The following ATP10A variants were observed in gnomAD, a reference collection of about 807,000 sequenced individuals.
ATP10A encodes the protein ATPase phospholipid transporting 10A (putative).
A neutral mutation model predicts 147.8 loss-of-function variants in ATP10A; 111 were observed. The observed-to-expected ratio is 0.75, with a 90% CI of 0.64 to 0.88. The LOEUF (loss-of-function observed/expected upper bound fraction) is 0.88. ATP10A is among the 40% of genes least tolerant of loss of function. ATP10A has a pLI of 0.00. For missense variants in ATP10A, 1,927 were observed against 1,959.0 expected, an observed-to-expected ratio of 0.98 and a Z score of 0.31; for synonymous variants, 875 against 841.6, an observed-to-expected ratio of 1.04 and a Z score of -0.69.
intron 2 of ATP10A, among the ~76,000 whole-genome samples, chr15:25,762,155 C>A (rs1202242590): frequency 2.6e-5 from 4 of 152,162 alleles, no homozygotes; most frequent in Non-Finnish European, 5.9e-5. Context: ...ACTTCTCCTT[C>A]CTGTCAACCA....
chr15:25,708,364 C>G (rs1037008014), intron 10 of ATP10A, 64 bp from the exon 11 acceptor site: 1 of 1,429,220 alleles, frequency 7.0e-7, no homozygotes, highest in Non-Finnish European at 9.9e-7. Context: ...TCTTCAGACA[C>G]TCCGAGATTT....
intron 16 of ATP10A, among the ~76,000 whole-genome samples, chr15:25,685,049 G>C (rs1192321937): frequency 6.6e-6 from 1 of 152,182 alleles, no homozygotes; most frequent in Admixed American, 6.5e-5. Context: ...TTGGCCTAGT[G>C]AGTCATCGGT....
In ATP10A at chr15:25,714,022, C is replaced by G; in HGVS notation, c.1996G>C (p.Ala666Pro). ...ERLGQPTSAI[A>P]SNGYSSQADN... ...GCCTGGCTGCTGTAGCCGTTGCTGG[C>G]GATGGCCGAGGTGGGCTGGCCCAGC... is the stretch of plus-strand genomic sequence containing the variant. Residue 666 changes from alanine (A) to proline (P), a missense_variant, in exon 10 of 21, where the codon GCC becomes CCC. Physicochemically the swap from Ala to Pro is conservative, Grantham distance 27. Transcript: ENST00000555815. 1 of 1,610,616 alleles carries G rather than the reference C, an allele frequency of 6.2e-7. No individual in the cohort carries two copies. Among genetic ancestry groups the G allele is most frequent in the Non-Finnish European group, 8.5e-7 (1 of 1,179,882 alleles).
intron 9 of ATP10A, among the ~76,000 whole-genome samples, chr15:25,715,631 G>A (rs1010088630): frequency 2.0e-5 from 3 of 152,236 alleles, no homozygotes; most frequent in Non-Finnish European, 4.4e-5. Context: ...CTGCAGCTTC[G>A]GGAAGCAGCT....
intron 2 of ATP10A, among the ~76,000 whole-genome samples, chr15:25,756,742 A>C (rs1398106401): frequency 1.3e-5 from 2 of 152,228 alleles, no homozygotes; most frequent in Non-Finnish European, 2.9e-5. Context: ...TTTGATCCAC[A>C]TTACCTGGGT....
Position 25,862,966 on chromosome 15 carries a change from G to A in ATP10A, c.131C>T (p.Ala44Val), listed in dbSNP as rs376116668. 2 of 1,523,126 alleles carry A rather than the reference G, an allele frequency of 1.3e-6. No individual in the cohort carries two copies. The highest frequency in any genetic ancestry group is 1.3e-5 in the South Asian group (1 of 79,726). 94.4% of individuals were successfully genotyped at this position (1,523,126 alleles called of 1,614,324 possible). The part of the protein sequence containing the change: ...PPGAEDPAAG[A>V]AKGERRRRRG... ...CCGCCGTCGCCGCTCGCCCTTGGCC[G>A]CGCCAGCCGCAGGGTCCTCGGCGCC... The change falls in exon 1 of 21, where the codon GCG becomes GTG. Residue 44 changes from alanine to valine, a missense_variant. Coordinates refer to ENST00000555815, the MANE Select transcript of ATP10A (RefSeq NM_024490.4).
intron 1 of ATP10A, among the ~76,000 whole-genome samples, chr15:25,828,814 G>A (rs904731037): frequency 1.2e-4 from 18 of 152,270 alleles, no homozygotes; most frequent in Admixed American, 1.2e-3. Flanking sequence ...CAGCACTCAT[G>A]CTGTGTTTTA....
At chr15:25,737,866 T>C (rs1464044992) in intron 2 of ATP10A, among the ~76,000 whole-genome samples, 1 of 151,902 alleles carries the variant, frequency 6.6e-6, no homozygotes, top group Non-Finnish European at 1.5e-5. Context: ...AGAGGGGAGA[T>C]CATGCAAGGA....
At chr15:25,673,143 G>A (rs1318832802), downstream of ATP10A, among the ~76,000 whole-genome samples, 1 of 152,178 alleles carries the variant, frequency 6.6e-6, no homozygotes, top group East Asian at 1.9e-4. Flanking sequence ...CCAGTGGTCA[G>A]CCGTCAGGAT....
intron 9 of ATP10A, among the ~76,000 whole-genome samples, chr15:25,715,059 G>A (rs1356315488): frequency 6.6e-6 from 1 of 151,400 alleles, no homozygotes; most frequent in Non-Finnish European, 1.5e-5. Flanking sequence ...CTTTTTTCTT[G>A]CTCTTTATTG....
chr15:25,748,418 C>T (rs1056410423), intron 2 of ATP10A, among the ~76,000 whole-genome samples: 7 of 135,002 alleles, frequency 5.2e-5, no homozygotes, highest in African/African-American at 1.7e-4. Flanking sequence ...ATCAACTCAA[C>T]TGAAGCAGAA....
intron 3 of ATP10A, among the ~76,000 whole-genome samples, chr15:25,730,194 A>G (rs1453220505): frequency 3.3e-5 from 5 of 151,074 alleles, no homozygotes; most frequent in African/African-American, 4.9e-5. Context: ...CCAGCTACTC[A>G]GGGAGGCTGA....
intron 2 of ATP10A, among the ~76,000 whole-genome samples, chr15:25,772,331 G>A (rs11855095): frequency 0.13 from 19,682 of 151,964 alleles, 1,887 homozygotes; most frequent in African/African-American, 0.26. Flanking sequence ...TGATGCTTGC[G>A]GCAGTCTGAT....
At chr15:25,719,847 C>A (rs570604151) in intron 7 of ATP10A, among the ~76,000 whole-genome samples, 2 of 152,188 alleles carry the variant, frequency 1.3e-5, no homozygotes, top group African/African-American at 4.8e-5. Flanking sequence ...GGTTCTGGTA[C>A]GTGAGCAGGG....
intron 2 of ATP10A, among the ~76,000 whole-genome samples, chr15:25,742,888 G>A (rs972080284): frequency 1.3e-5 from 2 of 152,218 alleles, no homozygotes; most frequent in Non-Finnish European, 2.9e-5. Flanking sequence ...TATTAGCACA[G>A]TGAGATCCAC....
At chr15:25,736,007 T>C (rs374442328) in intron 3 of ATP10A, 49 bp downstream of exon 3, 21 of 1,418,458 alleles carry the variant, frequency 1.5e-5, no homozygotes, top group South Asian at 5.7e-5. Context: ...CACCTGCCTA[T>C]GTAGTTATCA....
intron 1 of ATP10A, among the ~76,000 whole-genome samples, chr15:25,833,940 C>G (rs926698893): frequency 6.6e-6 from 1 of 152,034 alleles, no homozygotes; most frequent in African/African-American, 2.4e-5. Flanking sequence ...CCACTGCACT[C>G]CAGCCTGGGC....
intron 1 of ATP10A, among the ~76,000 whole-genome samples, chr15:25,806,614 G>A (rs1253197122): frequency 2.0e-5 from 3 of 152,070 alleles, no homozygotes; most frequent in Non-Finnish European, 2.9e-5. Flanking sequence ...ACCCAGCCAA[G>A]ATTTTCTTAA....
chr15:25,691,906 T>A, intron 14 of ATP10A, 115 bp from the exon 15 acceptor site: 1 of 1,160,358 alleles, frequency 8.6e-7, no homozygotes, highest in Non-Finnish European at 1.3e-6. Flanking sequence ...GAAAGCGTCC[T>A]GGGGAAGATG....
Sources: allele counts gnomAD v4.1 joint callset (sites outside exome capture counted in the v4.1 genomes callset), GRCh38; gene constraint gnomAD v4.1.1; transcripts MANE v1.5; gene names NCBI Gene and HGNC (gene_info 2026-07-23, HGNC 2026-07-21).